The following ELAVL4 variants were observed in gnomAD, a reference collection of about 807,000 sequenced individuals.
ELAVL4 encodes the protein ELAV like RNA binding protein 4.
In ELAVL4, 1 loss-of-function variant was observed where a neutral mutation model predicts 35.6. The observed-to-expected ratio is 0.03, with a 90% CI of 0.01 to 0.13. The LOEUF (loss-of-function observed/expected upper bound fraction) is 0.13, where lower values mean the gene tolerates loss of function less well. Ranked by LOEUF, ELAVL4 falls within the 10% of genes least tolerant of loss-of-function variation. ELAVL4 has a pLI of 1.00. For missense variants in ELAVL4, 267 were observed against 464.9 expected, an observed-to-expected ratio of 0.57 and a Z score of 3.91; for synonymous variants, 156 against 171.0, an observed-to-expected ratio of 0.91 and a Z score of 0.69.
At chr1:50,126,951 T>C (rs1209183991) in intron 1 of ELAVL4, among the ~76,000 whole-genome samples, 1 of 152,144 alleles carries the variant, frequency 6.6e-6, no homozygotes, top group African/African-American at 2.4e-5. Context: ...ACTCAGAATT[T>C]ATTTGACCCC....
intron 2 of ELAVL4, among the ~76,000 whole-genome samples, chr1:50,161,101 G>C (rs1009204966): frequency 6.6e-6 from 1 of 152,058 alleles, no homozygotes; most frequent in Non-Finnish European, 1.5e-5. Flanking sequence ...TGCATTGCTG[G>C]AATCACCTGT....
At chr1:50,156,284 T>C (rs1675733083) in intron 2 of ELAVL4, among the ~76,000 whole-genome samples, 1 of 152,222 alleles carries the variant, frequency 6.6e-6, no homozygotes, top group Admixed American at 6.5e-5. Flanking sequence ...CAATACACAG[T>C]AGAGAAGATA....
upstream of ELAVL4, chr1:50,106,457 A>G: frequency 7.6e-7 from 1 of 1,322,916 alleles, no homozygotes; most frequent in Non-Finnish European, 1.1e-6. Context: ...AGGTTGCCTT[A>G]GCTGCTTGAG....
chr1:50,135,587 C>T (rs994904957), intron 1 of ELAVL4, among the ~76,000 whole-genome samples: 1 of 152,138 alleles, frequency 6.6e-6, no homozygotes, highest in Non-Finnish European at 1.5e-5. Context: ...AATGCCTTGG[C>T]TTATAATTGC....
upstream of ELAVL4, chr1:50,106,309 G>C: frequency 6.2e-7 from 1 of 1,613,214 alleles, no homozygotes; most frequent in Non-Finnish European, 8.5e-7. Flanking sequence ...TGGGATGTGT[G>C]CATGGTGGCA....
chr1:50,195,423 G>C lies in ELAVL4; in HGVS notation c.509-138G>C, dbSNP rs1643987007. ...TAAACGTGTTTTGATTGGTGAGAGA[G>C]ATCAGGGAGCTGGGCTCAGCCCTGG... On this transcript the variant is annotated intron_variant, in intron 4 of 6. Coordinates refer to ENST00000371824, the MANE Select transcript of ELAVL4 (RefSeq NM_001144774.3). The C allele has an allele frequency of 5.8e-6, 5 of 863,610 alleles. No homozygotes were observed. In the South Asian group the frequency reaches 8.0e-5, roughly 14 times the overall value. The allele number at this position is 863,610 out of a possible 1,614,324, so 53.5% of individuals were successfully genotyped here. A position where few individuals can be genotyped will look rare whatever the true frequency, so the allele number is the denominator to read the frequency against.
intron 1 of ELAVL4, among the ~76,000 whole-genome samples, chr1:50,130,172 G>A (rs1047243893): frequency 3.3e-5 from 5 of 152,088 alleles, no homozygotes; most frequent in African/African-American, 1.2e-4. Flanking sequence ...CTAATAAACA[G>A]CAGATACACA....
intron 3 of ELAVL4, among the ~76,000 whole-genome samples, chr1:50,181,565 A>G (rs1422024327): frequency 6.6e-6 from 1 of 152,166 alleles, no homozygotes; most frequent in Non-Finnish European, 1.5e-5. Context: ...AAACTGGGTC[A>G]TTGTTCAGTG....
In ELAVL4 at chr1:50,193,625, A is replaced by C. The variant is rs1208624552; in HGVS notation, c.355-140A>C. The C allele has an allele frequency of 5.8e-6, 6 of 1,038,124 alleles. No homozygotes were observed. The Admixed American group carries it at 1.8e-4, about 30-fold the overall frequency. 64.3% of individuals were successfully genotyped at this position (1,038,124 alleles called of 1,614,324 possible). On this transcript the variant is annotated intron_variant, in intron 3 of 6. Transcript: ENST00000371824. Reference sequence around the variant, plus strand: ...TCATTACTATTACAAGGGTAGCTAAAAATCTGAACTACTGAGTGATTTAAA... The same window carrying C: ...TCATTACTATTACAAGGGTAGCTAACAATCTGAACTACTGAGTGATTTAAA...
At chr1:50,085,509 T>C (rs907497548) in intron 1 of ELAVL4, among the ~76,000 whole-genome samples, 1 of 152,208 alleles carries the variant, frequency 6.6e-6, no homozygotes, top group African/African-American at 2.4e-5. Context: ...CAGGATCTTC[T>C]GAAAACTTTA....
chr1:50,049,523 T>C (rs889395083), intron 1 of ELAVL4, among the ~76,000 whole-genome samples: 6 of 152,218 alleles, frequency 3.9e-5, no homozygotes, highest in Non-Finnish European at 8.8e-5. Context: ...TTTGCCTCCT[T>C]GCTTCTTCAA....
In ELAVL4 at chr1:50,141,002, T is replaced by A. The variant is rs1378265763; in HGVS notation, c.10-3955T>A. ...GTCAACATAGATTAGGAAATCCACA[T>A]AGAATGCAAGGAAGGCCACAAAGCT... is the stretch of plus-strand genomic sequence containing the variant. On this transcript the variant is annotated intron_variant, in intron 1 of 6. Transcript: ENST00000371824. Among the ~76,000 whole-genome samples the A allele has an allele frequency of 2.6e-5, 4 of 152,138 alleles. No individual in the cohort carries two copies. In the East Asian group the frequency reaches 7.7e-4, roughly 29 times the overall value.
chr1:50,118,242 T>C (rs1238610227), intron 1 of ELAVL4, among the ~76,000 whole-genome samples: 1 of 152,124 alleles, frequency 6.6e-6, no homozygotes, highest in Non-Finnish European at 1.5e-5. Flanking sequence ...GCTGTTTTCC[T>C]CCTTTCCCCT....
chr1:50,113,203 A>T (rs950652372), intron 1 of ELAVL4, among the ~76,000 whole-genome samples: 6 of 150,112 alleles, frequency 4.0e-5, no homozygotes, highest in African/African-American at 9.9e-5. Context: ...CAACAATGGG[A>T]TTTCCTCAGA....
At chr1:50,159,988 C>T (rs1676498567) in intron 2 of ELAVL4, among the ~76,000 whole-genome samples, 1 of 152,124 alleles carries the variant, frequency 6.6e-6, no homozygotes, top group Non-Finnish European at 1.5e-5. Flanking sequence ...CAGCACAGTC[C>T]CATCTCACAC....
At chr1:50,095,960 A>G (rs1204254843) in intron 1 of ELAVL4, among the ~76,000 whole-genome samples, 1 of 152,182 alleles carries the variant, frequency 6.6e-6, no homozygotes, top group East Asian at 1.9e-4. Flanking sequence ...CATTTCTAAG[A>G]GGAATAATAC....
rs532941275 is a variant in ELAVL4, at chr1:50,069,715, C to T, written c.18+21533C>T. ...AGCTTATTTTTTAGCATTATTACTG[C>T]ATATAAAGCATCATACTAAGTACTT... On this transcript the variant is annotated intron_variant, in intron 1 of 6. Transcript: ENST00000448907. Among the ~76,000 whole-genome samples the T allele has an allele frequency of 7.9e-5, 12 of 152,262 alleles. No individual in the cohort carries two copies. In the South Asian group the frequency reaches 1.9e-3, roughly 24 times the overall value.
chr1:50,117,587 G>C (rs1340644520), intron 1 of ELAVL4, among the ~76,000 whole-genome samples: 1 of 152,150 alleles, frequency 6.6e-6, no homozygotes, highest in Non-Finnish European at 1.5e-5. Flanking sequence ...TTTAAATGGT[G>C]ATGACAATAT....
chr1:50,113,977 C>T (rs1269523089), intron 1 of ELAVL4, among the ~76,000 whole-genome samples: 1 of 152,006 alleles, frequency 6.6e-6, no homozygotes, highest in Non-Finnish European at 1.5e-5. Flanking sequence ...TGGGCTGCTT[C>T]CCATAAGAAC....
Sources: gnomAD v4.1 joint callset for allele counts (sites outside exome capture counted in the v4.1 genomes callset) on GRCh38, gnomAD v4.1.1 for gene constraint, MANE v1.5 for transcripts, NCBI Gene and HGNC (gene_info 2026-07-23, HGNC 2026-07-21) for gene names.